JMJD1C: variants seen among roughly 807,000 people sequenced by gnomAD.
JMJD1C encodes jumonji domain containing 1C.
JMJD1C carries 31 observed loss-of-function variants against 245.3 expected under a neutral mutation model. The observed-to-expected ratio is 0.13, with a 90% CI of 0.09 to 0.17. The LOEUF (loss-of-function observed/expected upper bound fraction) is 0.17, where lower values mean the gene tolerates loss of function less well. JMJD1C is among the 10% of genes least tolerant of loss of function. The pLI, the probability that JMJD1C is intolerant of heterozygous loss-of-function variation, is 1.00. For synonymous variants in JMJD1C, 1,057 were observed against 1,017.4 expected (o/e 1.04, Z -0.74); for missense variants, 2,691 against 3,000.2 (o/e 0.90, Z 2.41).
intron 1 of JMJD1C, among the ~76,000 whole-genome samples, chr10:63,416,842 T>C (rs1024935431): frequency 9.9e-5 from 15 of 152,202 alleles, no homozygotes; most frequent in African/African-American, 3.6e-4. Flanking sequence ...AAAACTCTAA[T>C]TTTCCTTTGG....
chr10:63,238,006 T>TAAAAA (rs35736445), intron 3 of JMJD1C, among the ~76,000 whole-genome samples: 6 of 27,602 alleles, frequency 2.2e-4, no homozygotes, highest in African/African-American at 8.1e-4. Flanking sequence ...CCGTCTCTAC[T>TAAAAA]AAAAAAAAAA....
chr10:63,425,436 A>C (rs901934928), intron 1 of JMJD1C, among the ~76,000 whole-genome samples: 3 of 151,448 alleles, frequency 2.0e-5, no homozygotes, highest in African/African-American at 4.8e-5. Context: ...GCTCCTGTGA[A>C]TTCTCTAAAC....
At chr10:63,408,308 C>T (rs1272072416) in intron 1 of JMJD1C, among the ~76,000 whole-genome samples, 1 of 151,886 alleles carries the variant, frequency 6.6e-6, no homozygotes, top group Non-Finnish European at 1.5e-5. Flanking sequence ...AAGGCTGAGG[C>T]AGGAGAATCA....
At chr10:63,273,744 C>T (rs911545761) in intron 2 of JMJD1C, among the ~76,000 whole-genome samples, 2 of 152,124 alleles carry the variant, frequency 1.3e-5, no homozygotes, top group African/African-American at 4.8e-5. Context: ...CCCAGAAATA[C>T]ACATCTCTAA....
intron 2 of JMJD1C, among the ~76,000 whole-genome samples, chr10:63,349,431 A>G (rs1285324126): frequency 6.6e-6 from 1 of 152,230 alleles, no homozygotes; most frequent in African/African-American, 2.4e-5. Flanking sequence ...TGTTCAAGAT[A>G]TTGTGCTCTA....
chr10:63,302,645 TGTCA>T (rs1860243079), intron 2 of JMJD1C, among the ~76,000 whole-genome samples: 1 of 152,246 alleles, frequency 6.6e-6, no homozygotes, highest in Non-Finnish European at 1.5e-5. Flanking sequence ...AAAAATCTTA[TGTCA>T]GTATTTAAAA....
intron 3 of JMJD1C, among the ~76,000 whole-genome samples, chr10:63,241,802 C>G (rs1196515610): frequency 6.6e-6 from 1 of 152,142 alleles, no homozygotes; most frequent in African/African-American, 2.4e-5. Flanking sequence ...TAGGAGGCAA[C>G]AAATTTTTGT....
upstream of JMJD1C, among the ~76,000 whole-genome samples, chr10:63,467,581 G>A (rs956865831): frequency 5.3e-5 from 8 of 152,152 alleles, no homozygotes; most frequent in Admixed American, 2.6e-4. Context: ...AATGCATATC[G>A]GCAAGTTGAG....
intron 2 of JMJD1C, among the ~76,000 whole-genome samples, chr10:63,280,528 C>T (rs774310701): frequency 5.3e-5 from 8 of 151,662 alleles, no homozygotes; most frequent in Non-Finnish European, 7.4e-5. Context: ...CCAGCCTGGG[C>T]GACAAGAGTG....
chr10:63,451,420 A>C (rs1010831007), intron 1 of JMJD1C, among the ~76,000 whole-genome samples: 1 of 152,230 alleles, frequency 6.6e-6, no homozygotes, highest in Non-Finnish European at 1.5e-5. Context: ...ACTGGGATAA[A>C]GACAGCTATA....
chr10:63,406,116 TAAAC>T (rs1949154598), intron 1 of JMJD1C, among the ~76,000 whole-genome samples: 1 of 152,056 alleles, frequency 6.6e-6, no homozygotes, highest in Non-Finnish European at 1.5e-5. Context: ...GCAGACAAAA[TAAAC>T]AACTACTCAC....
In JMJD1C at chr10:63,189,294, A is replaced by T; in HGVS notation, c.6444T>A (p.Asp2148Glu). ...TATCACTGTATAATTTATTATTTTC[A>T]TCCACTGCAGATATTATGCTTTCTT... is the stretch of plus-strand genomic sequence containing the variant. ...EPEESIISAV[D>E]ENNKLYSDIP... is the part of the protein sequence containing the mutation. The change falls in exon 18 of 26, where the codon GAT (aspartate) becomes GAA (glutamate). Residue 2148 changes from aspartate (D) to glutamate (E), a missense_variant. Physicochemically the swap from Asp to Glu is conservative, Grantham distance 45 (BLOSUM62 2). Coordinates refer to ENST00000399262, the MANE Select transcript of JMJD1C (RefSeq NM_032776.3). The T allele has an allele frequency of 6.2e-7, 1 of 1,613,726 alleles. No homozygotes were observed. The highest frequency in any genetic ancestry group is 8.5e-7 in the Non-Finnish European group (1 of 1,179,788).
At chr10:63,208,974 T>C (rs1218078207) in intron 9 of JMJD1C, 89 bp downstream of exon 9, 7 of 1,170,302 alleles carry the variant, frequency 6.0e-6, no homozygotes, top group East Asian at 2.4e-5. Context: ...TCTTAAGATA[T>C]GTGTTAACTT....
chr10:63,278,978 G>A (rs1017451672), intron 2 of JMJD1C, among the ~76,000 whole-genome samples: 1 of 152,088 alleles, frequency 6.6e-6, no homozygotes, highest in Non-Finnish European at 1.5e-5. Flanking sequence ...GGCTACGCAC[G>A]GTAGCTCACG....
At chr10:63,244,879 G>A (rs1301737764) in intron 3 of JMJD1C, among the ~76,000 whole-genome samples, 1 of 151,936 alleles carries the variant, frequency 6.6e-6, no homozygotes, top group Non-Finnish European at 1.5e-5. Flanking sequence ...GCTCACGCCT[G>A]TAATCCCAGC....
At position 63,305,459 on chromosome 10, in the gene JMJD1C, C is replaced by CTCTCTCTCT. The variant is rs1937978126; in HGVS notation, c.334-40696_334-40695insAGAGAGAGA. Among the ~76,000 whole-genome samples, 301 of 113,078 alleles carry CTCTCTCTCT rather than the reference C, an allele frequency of 2.7e-3. 5 individuals are homozygous for CTCTCTCTCT. Among genetic ancestry groups the CTCTCTCTCT allele is most frequent in the African/African-American group, 8.9e-3 (264 of 29,512 alleles). 74.2% of individuals were successfully genotyped at this position (113,078 alleles called of 152,430 possible). On this transcript the variant is annotated intron_variant, in intron 2 of 25. Transcript: ENST00000399262. ...GGATGACATGGCAAGACGCTCTGAC[C>CTCTCTCTCT]CTCTCTCTCTCTCTCTCTCTCTCTC...
chr10:63,275,366 T>C (rs1858475125), intron 2 of JMJD1C, among the ~76,000 whole-genome samples: 1 of 152,198 alleles, frequency 6.6e-6, no homozygotes, highest in African/African-American at 2.4e-5. Context: ...TAGAAGAAAC[T>C]GCAAAGTCAC....
At chr10:63,400,219 C>T (rs1317817689) in intron 1 of JMJD1C, among the ~76,000 whole-genome samples, 3 of 152,106 alleles carry the variant, frequency 2.0e-5, no homozygotes, top group Admixed American at 1.3e-4. Context: ...TGAATATATC[C>T]TTGTGCATAT....
intron 2 of JMJD1C, among the ~76,000 whole-genome samples, chr10:63,308,119 C>G (rs1040644192): frequency 6.6e-6 from 1 of 152,022 alleles, no homozygotes; most frequent in African/African-American, 2.4e-5. Flanking sequence ...CCACTGCACT[C>G]CAGCCTGGAC....
Sources: gnomAD v4.1 joint callset for allele counts (sites outside exome capture counted in the v4.1 genomes callset) on GRCh38, gnomAD v4.1.1 for gene constraint, MANE v1.5 for transcripts, NCBI Gene and HGNC (gene_info 2026-07-23, HGNC 2026-07-21) for gene names.